The following RIN2 variants were observed in gnomAD, a reference collection of about 807,000 sequenced individuals.
The protein encoded by RIN2 is Ras and Rab interactor 2, also known as RAB5 interacting protein 2.
A neutral mutation model predicts 78.0 loss-of-function variants in RIN2; 36 were observed. The ratio of observed to expected loss-of-function variants is 0.46; its 90% confidence interval spans 0.35 to 0.61. The LOEUF (loss-of-function observed/expected upper bound fraction) is 0.61. Ranked by LOEUF, RIN2 falls within the 20% of genes least tolerant of loss-of-function variation. RIN2 has a pLI of 0.00. For missense variants in RIN2, 1,087 were observed against 1,159.7 expected (o/e 0.94, Z 0.91); for synonymous variants, 466 against 466.8 (o/e 1.00, Z 0.02).
intron 4 of RIN2, among the ~76,000 whole-genome samples, chr20:19,943,710 G>A (rs780661202): frequency 6.6e-6 from 1 of 152,116 alleles, no homozygotes; most frequent in East Asian, 1.9e-4. Context: ...AGATAAACTG[G>A]ATGGCCTCTG....
At chr20:19,808,561 C>T (rs1480863044) in intron 2 of RIN2, among the ~76,000 whole-genome samples, 1 of 152,236 alleles carries the variant, frequency 6.6e-6, no homozygotes, top group Non-Finnish European at 1.5e-5. Flanking sequence ...TTTTCTAAAG[C>T]ACGAGGTGCC....
At chr20:19,938,608 C>G (rs906411710) in intron 4 of RIN2, among the ~76,000 whole-genome samples, 7 of 152,132 alleles carry the variant, frequency 4.6e-5, no homozygotes, top group African/African-American at 1.7e-4. Flanking sequence ...ATATCTGTGC[C>G]TCAGTGTTCT....
chr20:19,975,633 C>G lies in RIN2; in HGVS notation c.1608C>G (p.Tyr536Ter). 6.2e-7 allele frequency: 1 copy of G among 1,613,836 alleles called. No individual in the cohort carries two copies. ...CTYFGCLVQD[Y>*]VSFLQENKEC... ...ACTTCGGGTGCTTAGTGCAGGACTACGTGAGCTTCCTGCAGGAGAACAAGG... is the reference window on the plus strand; with the variant it reads ...ACTTCGGGTGCTTAGTGCAGGACTAGGTGAGCTTCCTGCAGGAGAACAAGG... The change falls in exon 9 of 13, where the codon TAC becomes TAG. Residue 536 changes from tyrosine (Y) to a stop codon, truncating the protein, a stop_gained. Transcript: ENST00000255006. LOFTEE classifies it high-confidence loss of function. The surrounding 1 kb of genome is among the most constrained non-coding windows in gnomAD (Gnocchi z 4.9).
In RIN2 at chr20:19,949,243, T is replaced by C. The variant is rs376196514; in HGVS notation, c.159-7372T>C. Among the ~76,000 whole-genome samples, 12 of 152,206 alleles carry C rather than the reference T, an allele frequency of 7.9e-5. No individual in the cohort carries two copies. In the East Asian group the frequency reaches 9.6e-4, roughly 12 times the overall value. ...GTTGCAGTGAGCCAAGACTGCACCA[T>C]TGCACTTCAGCCTGGGTGACAGAGC... On this transcript the variant is annotated intron_variant, in intron 4 of 12. Transcript: ENST00000255006.
chr20:19,831,286 T>C (rs1223081515), intron 2 of RIN2, among the ~76,000 whole-genome samples: 1 of 152,222 alleles, frequency 6.6e-6, no homozygotes, highest in African/African-American at 2.4e-5. Flanking sequence ...TTTTTTAACC[T>C]GAAAAAATTG....
At chr20:19,850,580 G>A (rs936641798) in intron 2 of RIN2, among the ~76,000 whole-genome samples, 1 of 152,214 alleles carries the variant, frequency 6.6e-6, no homozygotes, top group Non-Finnish European at 1.5e-5. Context: ...CAACTGGAAT[G>A]CCACCTACAC....
At chr20:19,792,785 G>A (rs569753180) in intron 1 of RIN2, among the ~76,000 whole-genome samples, 1 of 152,316 alleles carries the variant, frequency 6.6e-6, no homozygotes, top group African/African-American at 2.4e-5. Context: ...GGTGATTTGA[G>A]GGAGGAGGGG....
intron 1 of RIN2, among the ~76,000 whole-genome samples, chr20:19,778,353 C>G (rs2034384310): frequency 6.6e-6 from 1 of 152,186 alleles, no homozygotes; most frequent in African/African-American, 2.4e-5. Context: ...AGTATGTGCC[C>G]AAGTCCTTGT....
chr20:19,785,408 A>G (rs1323632435), intron 1 of RIN2, among the ~76,000 whole-genome samples: 1 of 152,166 alleles, frequency 6.6e-6, no homozygotes, highest in Non-Finnish European at 1.5e-5. Flanking sequence ...CAGAACTAAA[A>G]TGGGCAAAAC....
intron 3 of RIN2, among the ~76,000 whole-genome samples, chr20:19,919,576 C>G (rs767849038): frequency 6.6e-6 from 1 of 152,026 alleles, no homozygotes. Context: ...GAGATCAAGG[C>G]GGGCAGATCA....
At chr20:19,810,989 G>A (rs1296675899) in intron 2 of RIN2, among the ~76,000 whole-genome samples, 1 of 151,700 alleles carries the variant, frequency 6.6e-6, no homozygotes, top group Non-Finnish European at 1.5e-5. Context: ...GGGATTACAG[G>A]CGTGAACCAC....
In RIN2 at chr20:19,878,013, G is replaced by A. The variant is rs999478628; in HGVS notation, c.-36-11553G>A. ...CTAGTCTGGGCGACAGAGTAAGAGT[G>A]TCTCAAAAAAGAAAAATAGTAGCGG... On this transcript the variant is annotated intron_variant, in intron 2 of 12. Coordinates refer to ENST00000255006, the MANE Select transcript of RIN2 (RefSeq NM_018993.4). Among the ~76,000 whole-genome samples the A allele has an allele frequency of 8.5e-5, 13 of 152,096 alleles. 1 individual carries two copies. Among genetic ancestry groups the A allele is most frequent in the South Asian group, 2.1e-4 (1 of 4,818 alleles).
In RIN2 at chr20:19,975,451, C is replaced by T; in HGVS notation, c.1426C>T (p.Pro476Ser). Residue 476 changes from proline to serine, a missense_variant, in exon 9 of 13, where the codon CCC (proline) becomes TCC (serine). Around this residue, in one of 8 missense-constraint regions of RIN2, gnomAD observed 706 missense variants for 667.5 expected, o/e 1.06. Coordinates refer to ENST00000255006, the MANE Select transcript of RIN2 (RefSeq NM_018993.4). The surrounding 1 kb of genome is among the most constrained non-coding windows in gnomAD (Gnocchi z 4.9). ...GESDQETMAP[P>S]IKSKKKRSSS... ...AAGTGACCAAGAGACCATGGCGCCCCCCATCAAGTCCAAAAAGAAAAGGAG... is the reference window on the plus strand; with the variant it reads ...AAGTGACCAAGAGACCATGGCGCCCTCCATCAAGTCCAAAAAGAAAAGGAG... 6.2e-7 allele frequency: 1 copy of T among 1,614,050 alleles called. No individual in the cohort carries two copies. Among genetic ancestry groups the T allele is most frequent in the Non-Finnish European group, 8.5e-7 (1 of 1,179,900 alleles).
chr20:19,889,418 G>A (rs2038340543), intron 2 of RIN2, 148 bp from the exon 3 acceptor site: 1 of 1,147,298 alleles, frequency 8.7e-7, no homozygotes, highest in Non-Finnish European at 1.2e-6. Context: ...TTGGGCTGAA[G>A]GGAGATGTAA....
chr20:19,913,354 C>A (rs1245100133), intron 3 of RIN2, among the ~76,000 whole-genome samples: 1 of 152,118 alleles, frequency 6.6e-6, no homozygotes, highest in Non-Finnish European at 1.5e-5. Flanking sequence ...CACTGTGTTG[C>A]CCAGGCTGTT....
chr20:19,818,358 G>A (rs1206315833), intron 2 of RIN2, among the ~76,000 whole-genome samples: 1 of 152,200 alleles, frequency 6.6e-6, no homozygotes, highest in African/African-American at 2.4e-5. Flanking sequence ...AATTGTTAAT[G>A]TTCATGGTTG....
At chr20:19,768,068 G>A (rs1453839320) in intron 1 of RIN2, among the ~76,000 whole-genome samples, 4 of 152,122 alleles carry the variant, frequency 2.6e-5, no homozygotes, top group South Asian at 2.1e-4. Flanking sequence ...TTAGGAGAGC[G>A]TCATGTCCCA....
rs143778790 is a variant in RIN2 at position 19,834,965 on chromosome 20, G to A, written c.-37+35218G>A. 6.3e-3 allele frequency among the ~76,000 whole-genome samples: 942 copies of A among 148,672 alleles called. 7 individuals carry two copies. The highest frequency in any genetic ancestry group is 0.014 in the Middle Eastern group (4 of 288). ...TGAAGAAAAGAGAGAGAGAGAGAGA[G>A]AGAAAGAAAGAAAGGAAGGAAAGAG... On this transcript the variant is annotated intron_variant, in intron 2 of 12. Transcript: ENST00000255006.
intron 7 of RIN2, among the ~76,000 whole-genome samples, chr20:19,970,463 C>T (rs566165039): frequency 4.1e-4 from 63 of 152,324 alleles, no homozygotes; most frequent in Admixed American, 9.8e-4. Context: ...CAGGCAGTTT[C>T]GGCCCAACAT....
Sources: gnomAD v4.1 joint callset for allele counts (sites outside exome capture counted in the v4.1 genomes callset) on GRCh38, gnomAD v4.1.1 for gene constraint, gnomAD v4.1.1 regional missense constraint, Gnocchi (gnomAD v3.1) non-coding constraint, MANE v1.5 for transcripts, NCBI Gene and HGNC (gene_info 2026-07-23, HGNC 2026-07-21) for gene names.